Variants in SLC16A7 observed in about 807,000 individuals in gnomAD.
The protein encoded by SLC16A7 is monocarboxylate transporter 2.
A neutral mutation model predicts 34.9 loss-of-function variants in SLC16A7; 33 were observed. The observed-to-expected ratio is 0.94, with a 90% CI of 0.72 to 1.26. The LOEUF (loss-of-function observed/expected upper bound fraction) is 1.26, where lower values mean the gene tolerates loss of function less well. Ranked by LOEUF, SLC16A7 falls within the 50% of genes most tolerant of loss-of-function variation. The probability of loss-of-function intolerance (pLI) is 0.00; values close to 1 mark genes in which losing one functional copy is unlikely to be tolerated. For missense variants in SLC16A7, 573 were observed against 578.1 expected (o/e 0.99, Z 0.09); for synonymous variants, 201 against 206.6 (o/e 0.97, Z 0.23).
intron 3 of SLC16A7, among the ~76,000 whole-genome samples, chr12:59,759,999 C>T (rs1426366643): frequency 6.6e-6 from 1 of 151,820 alleles, no homozygotes; most frequent in Non-Finnish European, 1.5e-5. Context: ...CTTGTGAACA[C>T]CCTGGAATTT....
chr12:59,624,112 T>G (rs1210220927), intron 1 of SLC16A7, among the ~76,000 whole-genome samples: 1 of 151,532 alleles, frequency 6.6e-6, no homozygotes, highest in African/African-American at 2.4e-5. Flanking sequence ...CTGTCTTAAT[T>G]AATTATTAAT....
intron 3 of SLC16A7, among the ~76,000 whole-genome samples, chr12:59,757,352 T>C (rs980062606): frequency 6.6e-6 from 1 of 152,140 alleles, no homozygotes; most frequent in African/African-American, 2.4e-5. Context: ...TGTATACCTA[T>C]GTAACAAACC....
chr12:59,714,060 T>C (rs1002313348), intron 3 of SLC16A7, among the ~76,000 whole-genome samples: 1 of 152,194 alleles, frequency 6.6e-6, no homozygotes. Flanking sequence ...CAGGCAATAT[T>C]TCTTGGAGCT....
rs186424561 is a variant in SLC16A7 at position 59,661,033 on chromosome 12, C to T, written c.-31+5783C>T. ...TAGCAATAGATGGAAACTACATACC[C>T]GATCATATTACATTTTATAACATAT... On this transcript the variant is annotated intron_variant, in intron 2 of 5. Coordinates refer to ENST00000547379, the MANE Select transcript of SLC16A7 (RefSeq NM_001270623.2). 7.4e-4 allele frequency among the ~76,000 whole-genome samples: 113 copies of T among 152,128 alleles called. 6 individuals carry two copies. The highest frequency in any genetic ancestry group is 7.3e-3 in the South Asian group (35 of 4,826).
At chr12:59,750,649 T>C (rs1488528391) in intron 3 of SLC16A7, among the ~76,000 whole-genome samples, 2 of 152,220 alleles carry the variant, frequency 1.3e-5, no homozygotes, top group African/African-American at 4.8e-5. Flanking sequence ...GAAGATGGTA[T>C]GGCGATTCCT....
intron 3 of SLC16A7, among the ~76,000 whole-genome samples, chr12:59,757,638 C>T (rs1040215094): frequency 1.3e-5 from 2 of 152,032 alleles, no homozygotes; most frequent in Non-Finnish European, 2.9e-5. Flanking sequence ...CACAAAGTTA[C>T]ACCGTGTGCC....
Position 59,697,013 on chromosome 12 carries a change from C to A in SLC16A7, c.-30-7759C>A, listed in dbSNP as rs907698527. On this transcript the variant is annotated intron_variant, in intron 2 of 5. Transcript: ENST00000547379. ...AACAGAAAAGATTAAGGAGAAAAAA[C>A]GCTTAATCATATGTTTTTTATTTAA... is the stretch of plus-strand genomic sequence containing the variant. Among the ~76,000 whole-genome samples, 3 of 151,776 alleles carry A rather than the reference C, an allele frequency of 2.0e-5. No individual in the cohort carries two copies. The East Asian group carries it at 5.8e-4, about 29-fold the overall frequency.
At chr12:59,598,266 A>G (rs1366200218) in intron 1 of SLC16A7, among the ~76,000 whole-genome samples, 1 of 152,232 alleles carries the variant, frequency 6.6e-6, no homozygotes, top group Non-Finnish European at 1.5e-5. Flanking sequence ...TTTCTTGTCT[A>G]TAAAATGAGA....
intron 3 of SLC16A7, among the ~76,000 whole-genome samples, chr12:59,733,539 T>G (rs1400005982): frequency 2.0e-5 from 3 of 152,078 alleles, no homozygotes; most frequent in African/African-American, 7.2e-5. Context: ...CCTGGAAGCT[T>G]GGCAATGCCA....
intron 5 of SLC16A7, among the ~76,000 whole-genome samples, chr12:59,778,631 G>A (rs1473548878): frequency 6.6e-6 from 1 of 152,088 alleles, no homozygotes; most frequent in Non-Finnish European, 1.5e-5. Flanking sequence ...AATGGCACCA[G>A]GCTAGATTTT....
chr12:59,698,138 A>C (rs994773343), intron 2 of SLC16A7, among the ~76,000 whole-genome samples: 1 of 151,768 alleles, frequency 6.6e-6, no homozygotes, highest in East Asian at 1.9e-4. Context: ...AATCAGAACT[A>C]TAAGAAAAGT....
At chr12:59,627,724 C>G (rs1279278845) in intron 1 of SLC16A7, among the ~76,000 whole-genome samples, 1 of 151,286 alleles carries the variant, frequency 6.6e-6, no homozygotes, top group Non-Finnish European at 1.5e-5. Context: ...TTATTGAAAC[C>G]CCTTCTTTTT....
intron 1 of SLC16A7, among the ~76,000 whole-genome samples, chr12:59,611,290 T>G (rs1056766316): frequency 6.6e-6 from 1 of 152,154 alleles, no homozygotes; most frequent in Non-Finnish European, 1.5e-5. Context: ...CATGTCCTTC[T>G]TCACATGGCA....
chr12:59,734,877 A>G (rs949552367), intron 3 of SLC16A7, among the ~76,000 whole-genome samples: 1 of 152,218 alleles, frequency 6.6e-6, no homozygotes, highest in Non-Finnish European at 1.5e-5. Flanking sequence ...TATTCTTTAA[A>G]ATCTCATCCA....
chr12:59,668,203 A>G (rs1869369205), intron 2 of SLC16A7, among the ~76,000 whole-genome samples: 1 of 152,166 alleles, frequency 6.6e-6, no homozygotes, highest in Non-Finnish European at 1.5e-5. Flanking sequence ...TAGTGGAGCT[A>G]TGAGAAGAGG....
chr12:59,702,789 G>C (rs1284859190), intron 2 of SLC16A7, among the ~76,000 whole-genome samples: 1 of 151,888 alleles, frequency 6.6e-6, no homozygotes, highest in East Asian at 1.9e-4. Context: ...AAAATGCCGA[G>C]GATTTTTTTG....
chr12:59,658,440 A>G (rs931280658), intron 2 of SLC16A7, among the ~76,000 whole-genome samples: 13 of 152,022 alleles, frequency 8.6e-5, no homozygotes, highest in Admixed American at 1.3e-4. Flanking sequence ...TTTCTTGCCT[A>G]TGTTTTCACT....
At chr12:59,776,783 T>C (rs779917960) in intron 5 of SLC16A7, among the ~76,000 whole-genome samples, 9 of 152,152 alleles carry the variant, frequency 5.9e-5, no homozygotes, top group Non-Finnish European at 8.8e-5. Flanking sequence ...TCCTATGGTA[T>C]CTAGCACAGG....
rs1883586599 is a variant in SLC16A7 at position 59,785,963 on chromosome 12, C to T, written c.*6284C>T. ...AAAAACCAAACACCGCATATTCTCACTCATAGGTGGGAACTGAACAATGAG... is the reference window on the plus strand; with the variant it reads ...AAAAACCAAACACCGCATATTCTCATTCATAGGTGGGAACTGAACAATGAG... On this transcript the variant is annotated 3_prime_UTR_variant, in exon 6 of 6. Transcript: ENST00000547379. 1 of 145,800 alleles carries T rather than the reference C, an allele frequency of 6.9e-6. No individual in the cohort carries two copies. The highest frequency in any genetic ancestry group is 2.5e-5 in the African/African-American group (1 of 39,236). The allele number at this position is 145,800 out of a possible 1,614,324, so 9.0% of individuals were successfully genotyped here. A position where few individuals can be genotyped will look rare whatever the true frequency, so the allele number is the denominator to read the frequency against.
Sources: allele counts gnomAD v4.1 joint callset (sites outside exome capture counted in the v4.1 genomes callset), GRCh38; gene constraint gnomAD v4.1.1; transcripts MANE v1.5; gene names NCBI Gene and HGNC (gene_info 2026-07-23, HGNC 2026-07-21).